Variants in HTR1E observed in about 807,000 individuals in gnomAD.
The protein encoded by HTR1E is 5-hydroxytryptamine receptor 1E.
In HTR1E, 3 loss-of-function variants were observed where a neutral mutation model predicts 3.4. The observed-to-expected ratio is 0.89, with a 90% confidence interval of 0.41 to 2.31. The LOEUF (loss-of-function observed/expected upper bound fraction) is 2.31. Ranked by LOEUF, HTR1E falls within the 30% of genes most tolerant of loss-of-function variation. HTR1E has a pLI of 0.05. For synonymous variants in HTR1E, 170 were observed against 182.8 expected (o/e 0.93, Z 0.56); for missense variants, 392 against 467.0 (o/e 0.84, Z 1.48).
intron 1 of HTR1E, among the ~76,000 whole-genome samples, chr6:86,982,334 AT>A (rs1474700326): frequency 6.6e-6 from 1 of 152,130 alleles, no homozygotes; most frequent in Admixed American, 6.5e-5. Context: ...GGCTTTGAGA[AT>A]TTTTTTAAGG....
At chr6:86,969,856 A>G (rs1767524929) in intron 1 of HTR1E, among the ~76,000 whole-genome samples, 1 of 152,200 alleles carries the variant, frequency 6.6e-6, no homozygotes, top group South Asian at 2.1e-4. Flanking sequence ...AGCTAATGTG[A>G]CACAGTGGAA....
chr6:86,996,912 TA>T (rs905350197), intron 1 of HTR1E, among the ~76,000 whole-genome samples: 2 of 150,606 alleles, frequency 1.3e-5, no homozygotes, highest in Non-Finnish European at 3.0e-5. Context: ...GCAAAGGCAG[TA>T]AAAAAAAAGT....
rs573066788 is a variant in HTR1E at position 87,010,369 on chromosome 6, C to T, written c.-185-4781C>T. On this transcript the variant is annotated intron_variant, in intron 1 of 1. Coordinates refer to ENST00000305344, the MANE Select transcript of HTR1E (RefSeq NM_000865.3). Reference sequence around the variant, plus strand: ...GGCGGCTGGCCGGGCGGGGGGCTGACCCCCCCATCTCCCTCCCGGACGGGG... The same window carrying T: ...GGCGGCTGGCCGGGCGGGGGGCTGATCCCCCCATCTCCCTCCCGGACGGGG... Among the ~76,000 whole-genome samples, 441 of 114,610 alleles carry T rather than the reference C, an allele frequency of 3.8e-3. 4 individuals carry two copies. Among genetic ancestry groups the T allele is most frequent in the Middle Eastern group, 7.5e-3 (1 of 134 alleles). The allele number at this position is 114,610 out of a possible 152,430, so 75.2% of individuals were successfully genotyped here.
intron 1 of HTR1E, among the ~76,000 whole-genome samples, chr6:86,972,608 T>G (rs1294904417): frequency 1.3e-5 from 2 of 152,204 alleles, no homozygotes; most frequent in African/African-American, 4.8e-5. Context: ...GGAAAAATTC[T>G]AAATTTCTAA....
chr6:86,995,679 A>G (rs1767930065), intron 1 of HTR1E, among the ~76,000 whole-genome samples: 2 of 63,444 alleles, frequency 3.2e-5, no homozygotes, highest in Non-Finnish European at 8.6e-5. Flanking sequence ...AAAAAAAAAA[A>G]AAAAAAAAGA....
intron 1 of HTR1E, among the ~76,000 whole-genome samples, chr6:87,002,292 C>T (rs564084243): frequency 1.7e-4 from 26 of 152,222 alleles, no homozygotes; most frequent in Middle Eastern, 3.4e-3. Flanking sequence ...ACTTCAGGAG[C>T]GAAGCCATGG....
chr6:86,942,587 A>G (rs561928975), intron 1 of HTR1E, among the ~76,000 whole-genome samples: 1 of 152,342 alleles, frequency 6.6e-6, no homozygotes, highest in Admixed American at 6.5e-5. Flanking sequence ...ACCTAATTCA[A>G]TTCCTTACAC....
chr6:86,980,752 T>C (rs1191934010), intron 1 of HTR1E, among the ~76,000 whole-genome samples: 1 of 152,246 alleles, frequency 6.6e-6, no homozygotes, highest in Non-Finnish European at 1.5e-5. Flanking sequence ...CAGTACTTTA[T>C]TCCTCTTAAA....
chr6:86,982,496 G>A (rs923354059), intron 1 of HTR1E, among the ~76,000 whole-genome samples: 1 of 152,234 alleles, frequency 6.6e-6, no homozygotes, highest in Non-Finnish European at 1.5e-5. Flanking sequence ...GCCTGAGGAG[G>A]AGTGAGAATC....
intron 1 of HTR1E, chr6:86,971,094 A>T: frequency 3.9e-6 from 2 of 510,238 alleles, no homozygotes; most frequent in Non-Finnish European, 3.9e-6. Flanking sequence ...TATCCTCTCC[A>T]TGAGGAGGAA....
intron 1 of HTR1E, among the ~76,000 whole-genome samples, chr6:86,997,045 G>T (rs757520630): frequency 6.6e-6 from 1 of 151,910 alleles, no homozygotes; most frequent in Admixed American, 6.6e-5. Flanking sequence ...TTCTAGAAAT[G>T]CAAGGCTGTA....
chr6:86,986,002 T>C (rs1018643516), intron 1 of HTR1E, among the ~76,000 whole-genome samples: 2 of 152,192 alleles, frequency 1.3e-5, no homozygotes, highest in Non-Finnish European at 2.9e-5. Context: ...AATTCATTTA[T>C]TTCTATACAT....
At chr6:86,978,641 G>A (rs1767671018) in intron 1 of HTR1E, among the ~76,000 whole-genome samples, 1 of 152,112 alleles carries the variant, frequency 6.6e-6, no homozygotes, top group Admixed American at 6.6e-5. Flanking sequence ...TGTACTTGCA[G>A]CCAGAAATAT....
rs560397615 is a variant in HTR1E at position 86,953,708 on chromosome 6, G to C, written c.-186+15885G>C. On this transcript the variant is annotated intron_variant, in intron 1 of 1. Coordinates refer to ENST00000305344, the MANE Select transcript of HTR1E (RefSeq NM_000865.3). ...AGACTCAAGGAACAGAAAACAGATT[G>C]TATTAGTCTGTTCTCACATTGCTAT... Among the ~76,000 whole-genome samples, 3 of 152,296 alleles carry C rather than the reference G, an allele frequency of 2.0e-5. No homozygotes were observed. The East Asian group carries it at 5.8e-4, about 29-fold the overall frequency.
intron 1 of HTR1E, among the ~76,000 whole-genome samples, chr6:86,942,198 G>A: frequency 6.6e-6 from 1 of 152,262 alleles, no homozygotes; most frequent in Non-Finnish European, 1.5e-5. Context: ...GAAGATGGAG[G>A]AAGAAGAACC....
chr6:86,990,777 A>T (rs2127827656), intron 1 of HTR1E, among the ~76,000 whole-genome samples: 1 of 152,278 alleles, frequency 6.6e-6, no homozygotes, highest in South Asian at 2.1e-4. Context: ...AGAAGAGATA[A>T]ATCTTCCTTT....
intron 1 of HTR1E, among the ~76,000 whole-genome samples, chr6:86,964,503 T>A (rs904067452): frequency 6.6e-6 from 1 of 152,178 alleles, no homozygotes; most frequent in South Asian, 2.1e-4. Context: ...TTTAGTGATA[T>A]AGCAGAACTG....
At chr6:87,011,365 G>A (rs987512141) in intron 1 of HTR1E, among the ~76,000 whole-genome samples, 5 of 152,176 alleles carry the variant, frequency 3.3e-5, no homozygotes, top group Non-Finnish European at 7.3e-5. Context: ...GGAAAATGCT[G>A]GGAAGTAAAT....
chr6:86,966,430 C>T (rs114379749), intron 1 of HTR1E, among the ~76,000 whole-genome samples: 514 of 152,254 alleles, frequency 3.4e-3, no homozygotes, highest in African/African-American at 0.012. Flanking sequence ...AGGTCCTGAG[C>T]CAAAGTGGAC....
Sources: allele counts gnomAD v4.1 joint callset (sites outside exome capture counted in the v4.1 genomes callset), GRCh38; gene constraint gnomAD v4.1.1; transcripts MANE v1.5; gene names NCBI Gene and HGNC (gene_info 2026-07-23, HGNC 2026-07-21).